Variants in GRM3 observed in about 807,000 individuals in gnomAD.
The protein encoded by GRM3 is metabotropic glutamate receptor 3.
Under a neutral mutation model 70.5 loss-of-function variants are expected in GRM3, and 26 were observed. The observed-to-expected ratio is 0.37, with a 90% CI of 0.27 to 0.51. The LOEUF (loss-of-function observed/expected upper bound fraction) is 0.51, where lower values mean the gene tolerates loss of function less well. GRM3 is among the 20% of genes least tolerant of loss of function. GRM3 has a pLI of 0.93. For synonymous variants in GRM3, 443 were observed against 434.9 expected (o/e 1.02, Z -0.23); for missense variants, 859 against 1,123.8 (o/e 0.76, Z 3.37).
chr7:86,666,492 A>C (rs986439794), intron 1 of GRM3, among the ~76,000 whole-genome samples: 1 of 152,106 alleles, frequency 6.6e-6, no homozygotes, highest in Non-Finnish European at 1.5e-5. Context: ...GATGTTATGT[A>C]AGGGATTTTT....
intron 1 of GRM3, among the ~76,000 whole-genome samples, chr7:86,697,501 A>G (rs1005947995): frequency 1.3e-5 from 2 of 152,066 alleles, no homozygotes; most frequent in African/African-American, 4.8e-5. Context: ...TTAAGAGAGA[A>G]TTACGAAAAA....
chr7:86,841,392 C>A (rs560769331), intron 4 of GRM3, among the ~76,000 whole-genome samples: 1 of 152,050 alleles, frequency 6.6e-6, no homozygotes, highest in Non-Finnish European at 1.5e-5. Flanking sequence ...CAGAGCTGAT[C>A]GGCAAAGTCA....
At chr7:86,857,406 C>T (rs1673477853) in intron 5 of GRM3, among the ~76,000 whole-genome samples, 1 of 152,144 alleles carries the variant, frequency 6.6e-6, no homozygotes, top group South Asian at 2.1e-4. Flanking sequence ...AGAAGGGTTT[C>T]ATCAGAGTTG....
intron 3 of GRM3, among the ~76,000 whole-genome samples, chr7:86,811,918 T>C (rs6958245): frequency 0.11 from 15,958 of 151,420 alleles, 1,215 homozygotes; most frequent in African/African-American, 0.22. Context: ...AATAGAAAGT[T>C]TATATAATAG....
At chr7:86,703,664 C>T (rs1046634901) in intron 1 of GRM3, among the ~76,000 whole-genome samples, 1 of 151,844 alleles carries the variant, frequency 6.6e-6, no homozygotes, top group Non-Finnish European at 1.5e-5. Flanking sequence ...TTCATTCATT[C>T]CCATCTGCCT....
chr7:86,736,078 G>C (rs1216470472), intron 1 of GRM3, among the ~76,000 whole-genome samples: 1 of 152,180 alleles, frequency 6.6e-6, no homozygotes, highest in Non-Finnish European at 1.5e-5. Context: ...TTGAAGTGCT[G>C]AGCTGAATTG....
In GRM3 at chr7:86,838,489, G is replaced by T. The variant is rs1798500272; in HGVS notation, c.1325-350G>T. On this transcript the variant is annotated intron_variant, in intron 3 of 5. Transcript: ENST00000361669. ...TAATAAGAATGAGACACAATGTTTT[G>T]TCCAATTCTTATCATGAAGTCTTTC... is the stretch of plus-strand genomic sequence containing the variant. 3.3e-5 allele frequency among the ~76,000 whole-genome samples: 5 copies of T among 152,186 alleles called. No homozygotes were observed. The South Asian group carries it at 1.0e-3, about 32-fold the overall frequency.
intron 3 of GRM3, among the ~76,000 whole-genome samples, chr7:86,803,116 A>G (rs751512905): frequency 4.7e-4 from 72 of 152,360 alleles, no homozygotes; most frequent in Middle Eastern, 6.8e-3. Flanking sequence ...GTAGAAAACA[A>G]AGAGAATTTA....
At chr7:86,864,214 C>A in intron 5 of GRM3, 68 bp from the exon 6 acceptor site, 1 of 815,442 alleles carries the variant, frequency 1.2e-6, no homozygotes, top group East Asian at 2.4e-5. Flanking sequence ...TCCATTGTAT[C>A]CTTCATGCTA....
At chr7:86,837,785 G>A (rs1309581015) in intron 3 of GRM3, among the ~76,000 whole-genome samples, 1 of 152,096 alleles carries the variant, frequency 6.6e-6, no homozygotes, top group Non-Finnish European at 1.5e-5. Context: ...TAAACAATTT[G>A]GGGTCTATTT....
chr7:86,769,189 T>A (rs556086548), intron 2 of GRM3, among the ~76,000 whole-genome samples: 1 of 152,228 alleles, frequency 6.6e-6, no homozygotes, highest in South Asian at 2.1e-4. Flanking sequence ...GTGGTGACAG[T>A]GTGCAGCCTG....
intron 1 of GRM3, among the ~76,000 whole-genome samples, chr7:86,651,531 A>T (rs893584844): frequency 6.6e-6 from 1 of 152,140 alleles, no homozygotes; most frequent in Non-Finnish European, 1.5e-5. Flanking sequence ...CCTCAAGGAG[A>T]AAAGGATATC....
chr7:86,706,426 C>T (rs535417510), intron 1 of GRM3, among the ~76,000 whole-genome samples: 261 of 152,162 alleles, frequency 1.7e-3, no homozygotes, highest in African/African-American at 5.8e-3. Context: ...CAATAGACCA[C>T]ATATGTCAAA....
chr7:86,757,139 A>C (rs1330526561), intron 1 of GRM3, among the ~76,000 whole-genome samples: 1 of 152,144 alleles, frequency 6.6e-6, no homozygotes, highest in Non-Finnish European at 1.5e-5. Context: ...TAATTCCAAA[A>C]TGTGCACCAT....
chr7:86,659,183 A>G (rs1044854032), intron 1 of GRM3, among the ~76,000 whole-genome samples: 2 of 152,200 alleles, frequency 1.3e-5, no homozygotes, highest in Non-Finnish European at 2.9e-5. Context: ...GCCAATAAAT[A>G]ACACCCCAAG....
chr7:86,848,928 G>A (rs1218036971), intron 4 of GRM3, among the ~76,000 whole-genome samples: 4 of 152,030 alleles, frequency 2.6e-5, no homozygotes, highest in East Asian at 3.9e-4. Context: ...GGCTTTCAGC[G>A]AGGAGACAAA....
At chr7:86,697,997 A>C (rs900507293) in intron 1 of GRM3, among the ~76,000 whole-genome samples, 19 of 152,300 alleles carry the variant, frequency 1.2e-4, no homozygotes, top group African/African-American at 4.6e-4. Flanking sequence ...AAGACTCATA[A>C]GACTTAAATA....
intron 3 of GRM3, among the ~76,000 whole-genome samples, chr7:86,808,187 G>C (rs1388850444): frequency 6.6e-6 from 1 of 152,092 alleles, no homozygotes; most frequent in Non-Finnish European, 1.5e-5. Context: ...GTTCATCAGG[G>C]ATATTGGTCT....
At chr7:86,710,613 G>A (rs932438540) in intron 1 of GRM3, among the ~76,000 whole-genome samples, 1 of 150,140 alleles carries the variant, frequency 6.7e-6, no homozygotes, top group African/African-American at 2.5e-5. Flanking sequence ...GAGAGAGTGA[G>A]AGAGAGATTT....
Sources: allele counts gnomAD v4.1 joint callset (sites outside exome capture counted in the v4.1 genomes callset), GRCh38; gene constraint gnomAD v4.1.1; transcripts MANE v1.5; gene names NCBI Gene and HGNC (gene_info 2026-07-23, HGNC 2026-07-21).